MYBBP1A: variants seen among roughly 807,000 people sequenced by gnomAD.
MYBBP1A encodes the protein MYB binding protein 1a, also known as myb-binding protein 1A.
In MYBBP1A, 147 loss-of-function variants were observed where a neutral mutation model predicts 136.3. The ratio of observed to expected loss-of-function variants is 1.08; its 90% CI spans 0.94 to 1.24. The LOEUF (loss-of-function observed/expected upper bound fraction) is 1.24. MYBBP1A is among the 50% of genes most tolerant of loss of function. MYBBP1A has a pLI of 0.00. For missense variants in MYBBP1A, 2,060 were observed against 1,727.4 expected, an observed-to-expected ratio of 1.19 and a Z score of -3.41; for synonymous variants, 947 against 735.8, an observed-to-expected ratio of 1.29 and a Z score of -4.65.
chr17:4,555,252 G>C lies in MYBBP1A; in HGVS notation c.73C>G (p.Arg25Gly). 6.8e-6 allele frequency: 11 copies of C among 1,612,122 alleles called. No homozygotes were observed. Among genetic ancestry groups the C allele is most frequent in the Non-Finnish European group, 9.3e-6 (11 of 1,179,648 alleles). ...CGACTGTGCTTCAATAGGCCATAGC[G>C]GTCGGCAGGCCGGGCGCCACTCTGC... Reference protein sequence around the residue: ...ATQSGARPADRYGLLKHSREF... With the variant: ...ATQSGARPADGYGLLKHSREF... Residue 25 changes from arginine (R) to glycine (G), a missense_variant, in exon 1 of 26, where the codon CGC becomes GGC. By Grantham distance (125) the Arg-to-Gly change is moderately radical. Coordinates refer to ENST00000254718, the MANE Select transcript of MYBBP1A (RefSeq NM_014520.4).
At chr17:4,543,246 C>G (rs1192615954) in intron 19 of MYBBP1A, 81 bp from the exon 20 acceptor site, 1 of 1,479,892 alleles carries the variant, frequency 6.8e-7, no homozygotes, top group Non-Finnish European at 9.0e-7. Flanking sequence ...CCAAGTCCCA[C>G]TTTATAAGTG....
intron 22 of MYBBP1A, 79 bp downstream of exon 22, chr17:4,542,385 C>A: frequency 6.8e-7 from 1 of 1,467,896 alleles, no homozygotes; most frequent in Non-Finnish European, 9.3e-7. Context: ...CGCTCTGGGG[C>A]CTCACAATAT....
Position 4,539,378 on chromosome 17 carries a change from G to A in MYBBP1A, c.*37C>T. 2 of 1,538,308 alleles carry A rather than the reference G, an allele frequency of 1.3e-6. No homozygotes were observed. Among genetic ancestry groups the A allele is most frequent in the South Asian group, 2.5e-5 (2 of 80,018 alleles). On this transcript the variant is annotated 3_prime_UTR_variant, in exon 26 of 26. Coordinates refer to ENST00000254718, the MANE Select transcript of MYBBP1A (RefSeq NM_014520.4). ...AAAAAAAAAATAGGCGTCTCAGGCA[G>A]ATGGAGGCAGGGGCTGAGGGGGGCC...
chr17:4,552,596 G>T lies in MYBBP1A; in HGVS notation c.592C>A (p.Pro198Thr), dbSNP rs1176027949. 1.9e-6 allele frequency: 3 copies of T among 1,613,650 alleles called. No homozygotes were observed. The highest frequency in any genetic ancestry group is 4.5e-5 in the East Asian group (2 of 44,884). Reference sequence around the variant, plus strand: ...TTCAAGTCGGCTTTGAGGACCTCCGGCAGGATCTCCTGCAATGTGGCCTTC... The same window carrying T: ...TTCAAGTCGGCTTTGAGGACCTCCGTCAGGATCTCCTGCAATGTGGCCTTC... The part of the protein sequence containing the change: ...VSKATLQEIL[P>T]EVLKADLNII... The change falls in exon 6 of 26, where the codon CCG becomes ACG. Residue 198 changes from proline (P) to threonine (T), a missense_variant. Physicochemically the swap from Pro to Thr is conservative, Grantham distance 38 (BLOSUM62 -1). Transcript: ENST00000254718. The surrounding 1 kb of genome is among the most constrained non-coding windows in gnomAD (Gnocchi z 4.7).
chr17:4,539,057 G>A lies in MYBBP1A; in HGVS notation c.*358C>T. 1.7e-6 allele frequency: 2 copies of A among 1,195,524 alleles called. No homozygotes were observed. The highest frequency in any genetic ancestry group is 1.2e-5 in the South Asian group (1 of 81,542). 74.1% of individuals were successfully genotyped at this position (1,195,524 alleles called of 1,614,324 possible). ...ATCACCCCCTGGTGGCTCCCTCACA[G>A]CAAAAAAGCCTGGGGGCAAAGAGGT... On this transcript the variant is annotated 3_prime_UTR_variant, in exon 26 of 26. Transcript: ENST00000254718.
In MYBBP1A at chr17:4,545,899, C is replaced by T. The variant is rs756295972; in HGVS notation, c.1868G>A (p.Cys623Tyr). 4 of 1,613,390 alleles carry T rather than the reference C, an allele frequency of 2.5e-6. No homozygotes were observed. The South Asian group carries it at 3.3e-5, about 13-fold the overall frequency. The change falls in exon 14 of 26, where the codon TGC becomes TAC. Residue 623 changes from cysteine (C) to tyrosine (Y), a missense_variant. Coordinates refer to ENST00000254718, the MANE Select transcript of MYBBP1A (RefSeq NM_014520.4). ...SCDLLGDIQTCIRKSLGEKPR... is the reference protein window; with the variant it reads ...SCDLLGDIQTYIRKSLGEKPR... ...CTTCTCTCCCAGACTTTTCCTGATG[C>T]AGGTCTGGATGTCACCCAGCAGGTC... is the stretch of plus-strand genomic sequence containing the variant.
Position 4,539,174 on chromosome 17 carries a change from GAGCCAGGGTCCC to G in MYBBP1A, c.*229_*240del. On this transcript the variant is annotated 3_prime_UTR_variant, in exon 26 of 26. Transcript: ENST00000254718. The stretch of plus-strand genomic sequence containing the variant: ...CACCAGAGCCCTGGACATGGCCCTG[GAGCCAGGGTCCC>G]AGCCCAGAACCGGGGGTGGGGAGGT... 6.9e-7 allele frequency: 1 copy of G among 1,454,384 alleles called. No homozygotes were observed. Among genetic ancestry groups the G allele is most frequent in the South Asian group, 1.4e-5 (1 of 69,084 alleles). 90.1% of individuals were successfully genotyped at this position (1,454,384 alleles called of 1,614,324 possible). A position where few individuals can be genotyped will look rare whatever the true frequency, so the allele number is the denominator to read the frequency against.
rs142004671 is a variant in MYBBP1A, at chr17:4,554,215, C to G, written c.358G>C (p.Asp120His). Residue 120 changes from aspartate to histidine, a missense_variant, in exon 3 of 26, where the codon GAC becomes CAC. Asp to His is a moderately conservative substitution (Grantham distance 81). Coordinates refer to ENST00000254718, the MANE Select transcript of MYBBP1A (RefSeq NM_014520.4). ...CTCACCTTCTTCACCTGATGCAGGT[C>G]ATATTTTTCTTGTATCTGCTGCAGG... ...SILQQIQEKY[D>H]LHQVKKAMLR... 12,573 of 1,613,932 alleles carry G rather than the reference C, an allele frequency of 7.8e-3. 85 individuals carry two copies. Among genetic ancestry groups the G allele is most frequent in the Middle Eastern group, 0.011 (66 of 6,058 alleles).
chr17:4,555,135 T>C lies in MYBBP1A; in HGVS notation c.190A>G (p.Arg64Gly). The change falls in exon 1 of 26, where the codon AGG (arginine) becomes GGG (glycine). Residue 64 changes from arginine (R) to glycine (G), a missense_variant. Coordinates refer to ENST00000254718, the MANE Select transcript of MYBBP1A (RefSeq NM_014520.4). Reference protein sequence around the residue: ...TEKLLEYLRGRPKGSEMKYAL... With the variant: ...TEKLLEYLRGGPKGSEMKYAL... ...AGACCCCGCCACTCCACCTTCGGCC[T>C]GCCACGCAGATACTCCAGCAGCTTC... 1 of 1,592,470 alleles carries C rather than the reference T, an allele frequency of 6.3e-7. No homozygotes were observed. The highest frequency in any genetic ancestry group is 8.6e-7 in the Non-Finnish European group (1 of 1,169,272).
In MYBBP1A at chr17:4,554,965, C is replaced by T; in HGVS notation, c.199-9G>A. On this transcript the variant is annotated splice_polypyrimidine_tract_variant and intron_variant, in intron 1 of 25. Coordinates refer to ENST00000254718, the MANE Select transcript of MYBBP1A (RefSeq NM_014520.4). ...TATTTCATCTCGGACCCCTGCGGAA[C>T]CAAGCACACCCTCGTGTTCAATGGT... The T allele has an allele frequency of 6.2e-7, 1 of 1,613,326 alleles. No homozygotes were observed. Among genetic ancestry groups the T allele is most frequent in the Non-Finnish European group, 8.5e-7 (1 of 1,179,932 alleles).
chr17:4,540,798 G>A (rs1468527301), intron 24 of MYBBP1A, among the ~76,000 whole-genome samples: 1 of 152,182 alleles, frequency 6.6e-6, no homozygotes, highest in Admixed American at 6.5e-5. Context: ...TCACCGCGGG[G>A]CTGCCAAAGC....
At chr17:4,546,583 A>T (rs1907032593) in intron 13 of MYBBP1A, among the ~76,000 whole-genome samples, 1 of 152,212 alleles carries the variant, frequency 6.6e-6, no homozygotes, top group Non-Finnish European at 1.5e-5. Flanking sequence ...CCAATTCATA[A>T]TTCTAGATTA....
In MYBBP1A at chr17:4,542,705, C is replaced by A; in HGVS notation, c.2929G>T (p.Val977Leu). Reference sequence around the variant, plus strand: ...AAGGAGCTCAGTGCTGTCGAGTACACCCGGGTCACCAGGTTCAAGTCCAAG... The same window carrying A: ...AAGGAGCTCAGTGCTGTCGAGTACAACCGGGTCACCAGGTTCAAGTCCAAG... Reference protein sequence around the residue: ...SCLDLNLVTRVYSTALSSFLT... With the variant: ...SCLDLNLVTRLYSTALSSFLT... Residue 977 changes from valine to leucine, a missense_variant, in exon 21 of 26, where the codon GTG becomes TTG. Physicochemically the swap from Val to Leu is conservative, Grantham distance 32. Transcript: ENST00000254718. The A allele has an allele frequency of 1.2e-6, 2 of 1,614,030 alleles. No individual in the cohort carries two copies. The highest frequency in any genetic ancestry group is 1.7e-6 in the Non-Finnish European group (2 of 1,179,962).
intron 17 of MYBBP1A, 28 bp downstream of exon 17, chr17:4,544,996 GCC>G: frequency 4.3e-6 from 3 of 697,886 alleles, no homozygotes; most frequent in Non-Finnish European, 5.9e-6. Context: ...GCCCTCCCCG[GCC>G]GCCCCCCCCT....
At position 4,539,149 on chromosome 17, in the gene MYBBP1A, C is replaced by T. The variant is rs984559955; in HGVS notation, c.*266G>A. On this transcript the variant is annotated 3_prime_UTR_variant, in exon 26 of 26. Transcript: ENST00000254718. The stretch of plus-strand genomic sequence containing the variant: ...ATCAACCTGCACCAACCCAGGCAAA[C>T]ACCAGAGCCCTGGACATGGCCCTGG... 6.1e-6 allele frequency: 9 copies of T among 1,473,770 alleles called. No homozygotes were observed. The highest frequency in any genetic ancestry group is 4.3e-5 in the African/African-American group (3 of 70,074). 91.3% of individuals were successfully genotyped at this position (1,473,770 alleles called of 1,614,324 possible). A position where few individuals can be genotyped will look rare whatever the true frequency, so the allele number is the denominator to read the frequency against.
At position 4,539,656 on chromosome 17, in the gene MYBBP1A, G is replaced by A. The variant is rs1159118281; in HGVS notation, c.3746C>T (p.Pro1249Leu). Reference protein sequence around the residue: ...TRSPSTPAKSPKLQKKNQKPS... With the variant: ...TRSPSTPAKSLKLQKKNQKPS... ...CTTCTGGTTTTTCTTCTGCAGTTTTGGGGATTTGGCAGGGGTGCTGGGGCT... is the reference window on the plus strand; with the variant it reads ...CTTCTGGTTTTTCTTCTGCAGTTTTAGGGATTTGGCAGGGGTGCTGGGGCT... Residue 1249 changes from proline to leucine, a missense_variant, in exon 26 of 26, where the codon CCA (proline) becomes CTA (leucine). Coordinates refer to ENST00000254718, the MANE Select transcript of MYBBP1A (RefSeq NM_014520.4). The A allele has an allele frequency of 7.4e-6, 12 of 1,611,840 alleles. No homozygotes were observed. Among genetic ancestry groups the A allele is most frequent in the Non-Finnish European group, 1.0e-5 (12 of 1,178,502 alleles).
chr17:4,549,293 C>T (rs778677039), intron 10 of MYBBP1A, 39 bp downstream of exon 10: 2 of 1,588,382 alleles, frequency 1.3e-6, no homozygotes, highest in East Asian at 4.5e-5. Flanking sequence ...TCCTTGGCCA[C>T]ACGCCCATGG....
At chr17:4,541,290 A>G (rs1023644697) in intron 24 of MYBBP1A, among the ~76,000 whole-genome samples, 173 bp downstream of exon 24, 1 of 152,152 alleles carries the variant, frequency 6.6e-6, no homozygotes, top group African/African-American at 2.4e-5. Context: ...TCACCCATCC[A>G]TGGTTTGGTA....
Position 4,548,694 on chromosome 17 carries a change from T to C in MYBBP1A, c.1431-45A>G. ...GGCCATAGCCATTCACTGCCATTGG[T>C]TTTTACAGGCTCCCCTCCTTGGATG... On this transcript the variant is annotated intron_variant, in intron 10 of 25. Transcript: ENST00000254718. The surrounding 1 kb of genome is among the most constrained non-coding windows in gnomAD (Gnocchi z 4.2). The C allele has an allele frequency of 6.2e-7, 1 of 1,611,680 alleles. No homozygotes were observed. The highest frequency in any genetic ancestry group is 1.1e-5 in the South Asian group (1 of 90,870).
Sources: allele counts gnomAD v4.1 joint callset (sites outside exome capture counted in the v4.1 genomes callset), GRCh38; gene constraint gnomAD v4.1.1; non-coding constraint Gnocchi (gnomAD v3.1); transcripts MANE v1.5; gene names NCBI Gene and HGNC (gene_info 2026-07-23, HGNC 2026-07-21).